Variants in CYP4Z1 observed in about 807,000 individuals in gnomAD.
CYP4Z1 encodes cytochrome P450 4Z1.
Under a neutral mutation model 54.2 loss-of-function variants are expected in CYP4Z1, and 41 were observed. That is an observed-to-expected ratio of 0.76 (90% confidence interval 0.59 to 0.98). The LOEUF is 0.98. Among genes scored for constraint, CYP4Z1 ranks in the 50% least tolerant of loss-of-function variants. CYP4Z1 has a pLI of 0.00. For missense variants in CYP4Z1, 513 were observed against 599.0 expected (o/e 0.86, Z 1.50); for synonymous variants, 163 against 206.2 (o/e 0.79, Z 1.79).
chr1:47,093,470 A>G (rs147729317), intron 6 of CYP4Z1, among the ~76,000 whole-genome samples: 1,749 of 152,370 alleles, frequency 0.011, 15 homozygotes, highest in Middle Eastern at 0.02. Flanking sequence ...GCTCCCCAAA[A>G]TATGAGAGAC....
chr1:47,086,597 C>A (rs1232428650), intron 6 of CYP4Z1, among the ~76,000 whole-genome samples: 1 of 152,048 alleles, frequency 6.6e-6, no homozygotes, highest in Admixed American at 6.6e-5. Context: ...GATATTAGCC[C>A]TTTGTCAGAT....
At chr1:47,087,171 A>G (rs957837866) in intron 6 of CYP4Z1, among the ~76,000 whole-genome samples, 22 of 152,148 alleles carry the variant, frequency 1.4e-4, no homozygotes, top group African/African-American at 4.6e-4. Flanking sequence ...TGACTTGGCA[A>G]TGAGGGCTCT....
chr1:47,116,329 G>A (rs181851285), intron 10 of CYP4Z1, among the ~76,000 whole-genome samples: 1 of 152,272 alleles, frequency 6.6e-6, no homozygotes, highest in South Asian at 2.1e-4. Flanking sequence ...ACAGAGGCAC[G>A]GGTTTACTGT....
the CYP4Z1 span, among the ~76,000 whole-genome samples, chr1:47,058,413 C>T: frequency 6.6e-6 from 1 of 152,044 alleles, no homozygotes; most frequent in Admixed American, 6.6e-5. Flanking sequence ...GAGTGTTGCA[C>T]TTAGGACATC....
chr1:47,068,214 G>A (rs1644464434), intron 1 of CYP4Z1, among the ~76,000 whole-genome samples: 1 of 152,134 alleles, frequency 6.6e-6, no homozygotes, highest in South Asian at 2.1e-4. Flanking sequence ...GGTTACTAAC[G>A]GTTTACCTTG....
chr1:47,069,197 GTTGGAGGCTC>G (rs1245757708), intron 2 of CYP4Z1, among the ~76,000 whole-genome samples: 2 of 152,270 alleles, frequency 1.3e-5, no homozygotes, highest in Non-Finnish European at 2.9e-5. Context: ...CCAGTGCCAG[GTTGGAGGCTC>G]TGGCAAGTGG....
intron 2 of CYP4Z1, among the ~76,000 whole-genome samples, chr1:47,077,315 C>A (rs1386142940): frequency 6.6e-6 from 1 of 152,030 alleles, no homozygotes; most frequent in Non-Finnish European, 1.5e-5. Flanking sequence ...GATGGATTGA[C>A]CCCTTAACAA....
Position 47,118,219 on chromosome 1 carries a change from C to T in CYP4Z1, c.*285C>T, listed in dbSNP as rs1002684592. On this transcript the variant is annotated 3_prime_UTR_variant, in exon 12 of 12. Transcript: ENST00000334194. ...GAGTGGCTTTCAAGCATAGTTTGAT[C>T]AAAACTCCACTCAGTATCTGCATTA... 5 of 283,280 alleles carry T rather than the reference C, an allele frequency of 1.8e-5. No individual in the cohort carries two copies. The Admixed American group carries it at 2.3e-4, about 13-fold the overall frequency. 17.5% of individuals were successfully genotyped at this position (283,280 alleles called of 1,614,324 possible). A position where few individuals can be genotyped will look rare whatever the true frequency, so the allele number is the denominator to read the frequency against.
intron 6 of CYP4Z1, among the ~76,000 whole-genome samples, chr1:47,086,472 G>A (rs1644595650): frequency 6.6e-6 from 1 of 152,168 alleles, no homozygotes; most frequent in Non-Finnish European, 1.5e-5. Flanking sequence ...TCATGTGTCT[G>A]TTGGCTGCAC....
At chr1:47,078,967 GTGTT>G (rs1644544790) in intron 2 of CYP4Z1, among the ~76,000 whole-genome samples, 1 of 151,950 alleles carries the variant, frequency 6.6e-6, no homozygotes, top group African/African-American at 2.4e-5. Context: ...AGTTTTTGGT[GTGTT>G]TATTATTGCC....
chr1:47,086,697 A>G (rs1198004487), intron 6 of CYP4Z1, among the ~76,000 whole-genome samples: 2 of 152,180 alleles, frequency 1.3e-5, no homozygotes, highest in South Asian at 4.1e-4. Context: ...CTTTAGTTTA[A>G]TAAGATCCCA....
At position 47,117,704 on chromosome 1, in the gene CYP4Z1, C is replaced by A. The variant is rs975281532; in HGVS notation, c.1350-62C>A. On this transcript the variant is annotated intron_variant, in intron 11 of 11. Transcript: ENST00000334194. ...AAGTCGTCATATATAAAAAGATTGG[C>A]GTATGTTGTTAATAATATATAAATT... 19 of 1,513,448 alleles carry A rather than the reference C, an allele frequency of 1.3e-5. No individual in the cohort carries two copies. The African/African-American group carries it at 2.2e-4, about 18-fold the overall frequency. The allele number at this position is 1,513,448 out of a possible 1,614,324, so 93.8% of individuals were successfully genotyped here.
intron 6 of CYP4Z1, among the ~76,000 whole-genome samples, chr1:47,085,964 A>G (rs867996725): frequency 7.9e-5 from 12 of 151,096 alleles, no homozygotes; most frequent in Admixed American, 4.0e-4. Context: ...TGTCCTTGTG[A>G]TAGTTTGCTG....
In CYP4Z1 at chr1:47,094,580, G is replaced by T. The variant is rs754358760; in HGVS notation, c.787G>T (p.Asp263Tyr). 13 of 1,590,074 alleles carry T rather than the reference G, an allele frequency of 8.2e-6. No homozygotes were observed. Among genetic ancestry groups the T allele is most frequent in the South Asian group, 2.3e-5 (2 of 85,918 alleles). Residue 263 changes from aspartate to tyrosine, a missense_variant, in exon 7 of 12, where the codon GAC becomes TAC. Transcript: ENST00000334194. ...TTTCCATCTAGAGAAAGTAATCCAG[G>T]ACCGGAAGGAGTCTCTTAAGGATAA... ...LHQFTEKVIQ[D>Y]RKESLKDKLK...
rs950083038 is a variant in CYP4Z1 at position 47,068,487 on chromosome 1, G to T, written c.178-135G>T. 6 of 1,131,614 alleles carry T rather than the reference G, an allele frequency of 5.3e-6. No homozygotes were observed. In the African/African-American group the frequency reaches 9.4e-5, roughly 18 times the overall value. The allele number at this position is 1,131,614 out of a possible 1,614,324, so 70.1% of individuals were successfully genotyped here. A position where few individuals can be genotyped will look rare whatever the true frequency, so the allele number is the denominator to read the frequency against. On this transcript the variant is annotated intron_variant, in intron 1 of 11. Transcript: ENST00000334194. ...TGGAGACACATGGAGAAGAAAACTT[G>T]CCTTCAACAGATGTGAACCTGTCTG... is the stretch of plus-strand genomic sequence containing the variant.
At chr1:47,092,702 A>C (rs1644649091) in intron 6 of CYP4Z1, among the ~76,000 whole-genome samples, 2 of 151,812 alleles carry the variant, frequency 1.3e-5, no homozygotes, top group South Asian at 2.1e-4. Context: ...GTATTATAGG[A>C]GATATATTGC....
chr1:47,058,443 T>C, the CYP4Z1 span, among the ~76,000 whole-genome samples: 2 of 152,098 alleles, frequency 1.3e-5, no homozygotes, highest in African/African-American at 2.4e-5. Context: ...CACCTCACTT[T>C]GTGAGTGTTT....
chr1:47,091,994 C>T (rs1002371412), intron 6 of CYP4Z1, among the ~76,000 whole-genome samples: 3 of 151,922 alleles, frequency 2.0e-5, no homozygotes, highest in African/African-American at 4.8e-5. Flanking sequence ...CCCAGGGCTC[C>T]CGTGCTGTAA....
intron 10 of CYP4Z1, among the ~76,000 whole-genome samples, chr1:47,115,881 A>G (rs1252909173): frequency 6.6e-6 from 1 of 152,160 alleles, no homozygotes; most frequent in Admixed American, 6.5e-5. Context: ...CTCTGCTTTC[A>G]TTCATGTCTG....
Sources: gnomAD v4.1 joint callset for allele counts (sites outside exome capture counted in the v4.1 genomes callset) on GRCh38, gnomAD v4.1.1 for gene constraint, MANE v1.5 for transcripts, NCBI Gene and HGNC (gene_info 2026-07-23, HGNC 2026-07-21) for gene names.